Variants in TEX2 observed in about 807,000 individuals in gnomAD.
The protein encoded by TEX2 is testis-expressed protein 2.
In TEX2, 53 loss-of-function variants were observed where a neutral mutation model predicts 106.9. That is an observed-to-expected ratio of 0.50 (90% confidence interval 0.40 to 0.62). TEX2 has a LOEUF of 0.62. Among genes scored for constraint, TEX2 ranks in the 20% least tolerant of loss-of-function variants. TEX2 has a pLI of 0.00. For missense variants in TEX2, 1,207 were observed against 1,379.0 expected (o/e 0.88, Z 1.98); for synonymous variants, 523 against 534.8 (o/e 0.98, Z 0.30).
intron 6 of TEX2, among the ~76,000 whole-genome samples, chr17:64,176,704 G>A (rs967751548): frequency 6.6e-6 from 1 of 152,182 alleles, no homozygotes; most frequent in Non-Finnish European, 1.5e-5. Flanking sequence ...GTTTCTTCAG[G>A]AGAGAGCCCA....
chr17:64,207,729 CCTTTT>C (rs2032875850), intron 2 of TEX2, among the ~76,000 whole-genome samples: 1 of 151,620 alleles, frequency 6.6e-6, no homozygotes, highest in Admixed American at 6.6e-5. Flanking sequence ...TTAGTATTTG[CCTTTT>C]TTTTTTCTTT....
chr17:64,232,959 A>T (rs781814147), intron 1 of TEX2, among the ~76,000 whole-genome samples: 44 of 152,118 alleles, frequency 2.9e-4, no homozygotes, highest in Non-Finnish European at 5.6e-4. Flanking sequence ...CTTCTTAATC[A>T]CAGTTCTAAA....
intron 1 of TEX2, among the ~76,000 whole-genome samples, chr17:64,262,755 C>T (rs2034316021): frequency 6.6e-6 from 1 of 152,218 alleles, no homozygotes; most frequent in African/African-American, 2.4e-5. Flanking sequence ...AAAGTAACTG[C>T]GGTTCTCGAC....
chr17:64,223,976 A>G (rs1475370638), intron 1 of TEX2, among the ~76,000 whole-genome samples: 1 of 152,166 alleles, frequency 6.6e-6, no homozygotes, highest in African/African-American at 2.4e-5. Context: ...CCTGGTGTCG[A>G]GTGTGCTTCC....
intron 2 of TEX2, among the ~76,000 whole-genome samples, chr17:64,209,687 C>G (rs1482856046): frequency 6.6e-6 from 1 of 152,248 alleles, no homozygotes; most frequent in East Asian, 1.9e-4. Flanking sequence ...CCACCACACA[C>G]TAGCTGTGTG....
rs1468521561 is a variant in TEX2, at chr17:64,147,578, T to C, written c.*1391A>G. 3.3e-5 allele frequency: 5 copies of C among 152,664 alleles called. No individual in the cohort carries two copies. Among genetic ancestry groups the C allele is most frequent in the African/African-American group, 9.6e-5 (4 of 41,556 alleles). 9.5% of individuals were successfully genotyped at this position (152,664 alleles called of 1,614,324 possible). A position where few individuals can be genotyped will look rare whatever the true frequency, so the allele number is the denominator to read the frequency against. On this transcript the variant is annotated 3_prime_UTR_variant, in exon 12 of 12. Transcript: ENST00000584379. Reference sequence around the variant, plus strand: ...GCATCTAGTCCTTAGCCTTTAGTTATTGCACAACAATTATAAAGACCAGTG... The same window carrying C: ...GCATCTAGTCCTTAGCCTTTAGTTACTGCACAACAATTATAAAGACCAGTG...
At chr17:64,219,508 C>CATAACATAAAATAAATATAAAATA (rs1555633014) in intron 1 of TEX2, among the ~76,000 whole-genome samples, 1 of 134,830 alleles carries the variant, frequency 7.4e-6, no homozygotes, top group African/African-American at 2.8e-5. Context: ...TCCATCTCAT[C>CATAACATAAAATAAATATAAAATA]AAATAAAATA....
intron 1 of TEX2, among the ~76,000 whole-genome samples, chr17:64,225,218 G>C (rs1475379866): frequency 6.6e-6 from 1 of 152,088 alleles, no homozygotes; most frequent in Admixed American, 6.5e-5. Context: ...CTGAGAAGCC[G>C]AGGCGGGAGG....
chr17:64,175,193 G>T (rs2031570553), intron 6 of TEX2, among the ~76,000 whole-genome samples: 1 of 152,176 alleles, frequency 6.6e-6, no homozygotes, highest in South Asian at 2.1e-4. Context: ...TCAGAATTTG[G>T]TAATGTCCTT....
chr17:64,231,344 C>T (rs991663648), intron 1 of TEX2, among the ~76,000 whole-genome samples: 1 of 151,432 alleles, frequency 6.6e-6, no homozygotes, highest in African/African-American at 2.5e-5. Flanking sequence ...GAGTCTCCCA[C>T]CAAGTACCAT....
chr17:64,225,919 T>C (rs1254504991), intron 1 of TEX2, among the ~76,000 whole-genome samples: 2 of 152,108 alleles, frequency 1.3e-5, no homozygotes, highest in Non-Finnish European at 2.9e-5. Context: ...AAATTCGCCA[T>C]GTTGGCCAGG....
intron 6 of TEX2, among the ~76,000 whole-genome samples, chr17:64,172,352 C>CAAA (rs11419588): frequency 1.5e-5 from 2 of 131,908 alleles, no homozygotes; most frequent in Non-Finnish European, 1.6e-5. Flanking sequence ...GAATCCGTCT[C>CAAA]AAAAAAAAAA....
chr17:64,172,478 A>C (rs2031451390), intron 6 of TEX2, among the ~76,000 whole-genome samples: 1 of 151,908 alleles, frequency 6.6e-6, no homozygotes, highest in African/African-American at 2.4e-5. Flanking sequence ...GGTCTCTTTT[A>C]CCCTCCAGCT....
At position 64,148,718 on chromosome 17, in the gene TEX2, G is replaced by T; in HGVS notation, c.*251C>A. On this transcript the variant is annotated 3_prime_UTR_variant, in exon 12 of 12. Coordinates refer to ENST00000584379, the MANE Select transcript of TEX2 (RefSeq NM_001288732.2). ...ATGGTGTGGGTCACGTATAACTTCT[G>T]GATCCACCATGATTCTTCCATGGTC... is the stretch of plus-strand genomic sequence containing the variant. 2.2e-6 allele frequency: 1 copy of T among 460,856 alleles called. No homozygotes were observed. The highest frequency in any genetic ancestry group is 3.9e-6 in the Non-Finnish European group (1 of 258,902). 28.5% of individuals were successfully genotyped at this position (460,856 alleles called of 1,614,324 possible).
rs576744805 is a variant in TEX2 at position 64,155,142 on chromosome 17, T to C, written c.2805-175A>G. The C allele has an allele frequency of 2.7e-6, 2 of 734,724 alleles. 1 individual carries two copies. The highest frequency in any genetic ancestry group is 6.2e-5 in the South Asian group (2 of 32,512). 45.5% of individuals were successfully genotyped at this position (734,724 alleles called of 1,614,324 possible). Reference sequence around the variant, plus strand: ...AACCAGAAGAGGCCCAATCCAAGAATCCTTGGATCAGCGCAGATGCTCAGG... The same window carrying C: ...AACCAGAAGAGGCCCAATCCAAGAACCCTTGGATCAGCGCAGATGCTCAGG... On this transcript the variant is annotated intron_variant, in intron 8 of 11. Transcript: ENST00000584379.
chr17:64,189,574 A>G (rs200286336), intron 4 of TEX2, among the ~76,000 whole-genome samples: 3 of 152,284 alleles, frequency 2.0e-5, no homozygotes, highest in East Asian at 1.9e-4. Flanking sequence ...TCAAAAGCCA[A>G]CCTCGAATTT....
At chr17:64,197,097 G>C (rs2143928117) in intron 2 of TEX2, among the ~76,000 whole-genome samples, 1 of 138,086 alleles carries the variant, frequency 7.2e-6, no homozygotes, top group South Asian at 2.2e-4. Flanking sequence ...TAGTTTTCTT[G>C]CAGTGTTTTT....
In TEX2 at chr17:64,257,961, G is replaced by T. The variant is rs2034215707; in HGVS notation, c.-26+5207C>A. Reference sequence around the variant, plus strand: ...GAGTCTCGCTCTGTCGCCCAGGCTGGAATGCAATGGTGCAATCTTGGCTCA... The same window carrying T: ...GAGTCTCGCTCTGTCGCCCAGGCTGTAATGCAATGGTGCAATCTTGGCTCA... On this transcript the variant is annotated intron_variant, in intron 1 of 11. Coordinates refer to ENST00000584379, the MANE Select transcript of TEX2 (RefSeq NM_001288732.2). Among the ~76,000 whole-genome samples the T allele has an allele frequency of 2.0e-5, 3 of 152,000 alleles. No individual in the cohort carries two copies. In the South Asian group the frequency reaches 6.2e-4, roughly 32 times the overall value.
At position 64,149,019 on chromosome 17, in the gene TEX2, T is replaced by C; in HGVS notation, c.3334A>G (p.Thr1112Ala). ...IMHSAMDPRSTSCLLKDPPVE... is the reference protein window; with the variant it reads ...IMHSAMDPRSASCLLKDPPVE... ...GGTGGGTCTTTCAGGAGGCAGGAAG[T>C]AGAGCGAGGGTCCATGGCTGAGTGC... is the stretch of plus-strand genomic sequence containing the variant. The change falls in exon 12 of 12, where the codon ACT (threonine) becomes GCT (alanine). Residue 1112 changes from threonine (T) to alanine (A), a missense_variant. By Grantham distance (58) the Thr-to-Ala change is moderately conservative (BLOSUM62 0). This residue lies in a region of TEX2 where 77 missense variants were observed against 73.2 expected (regional missense o/e 1.05). Coordinates refer to ENST00000584379, the MANE Select transcript of TEX2 (RefSeq NM_001288732.2). The C allele has an allele frequency of 6.2e-7, 1 of 1,614,178 alleles. No individual in the cohort carries two copies. Among genetic ancestry groups the C allele is most frequent in the Non-Finnish European group, 8.5e-7 (1 of 1,180,014 alleles).
Sources: gnomAD v4.1 joint callset for allele counts (sites outside exome capture counted in the v4.1 genomes callset) on GRCh38, gnomAD v4.1.1 for gene constraint, gnomAD v4.1.1 regional missense constraint, MANE v1.5 for transcripts, NCBI Gene and HGNC (gene_info 2026-07-23, HGNC 2026-07-21) for gene names.